Variants in GPR42 observed in about 807,000 individuals in gnomAD.
The protein encoded by GPR42 is G protein-coupled receptor 42, also known as G-protein coupled receptor.
For missense variants in GPR42, 68 were observed against 311.2 expected, an observed-to-expected ratio of 0.22 and a Z score of 5.88; for synonymous variants, 28 against 140.4, an observed-to-expected ratio of 0.20 and a Z score of 5.66.
rs200980961 is a variant in GPR42, at chr19:35,371,380, G to C, written c.21G>C (p.Gln7His). The C allele has an allele frequency of 1.5e-3, 1,173 of 756,886 alleles. 263 individuals carry two copies. The highest frequency in any genetic ancestry group is 2.9e-3 in the Middle Eastern group (9 of 3,142). The allele number at this position is 756,886 out of a possible 1,614,324, so 46.9% of individuals were successfully genotyped here. MDTGPD[Q>H]SYFSGNHWFV... Reference sequence around the variant, plus strand: ...CCACCATGGATACAGGCCCCGACCAGTCCTACTTCTCCGGCAATCACTGGT... The same window carrying C: ...CCACCATGGATACAGGCCCCGACCACTCCTACTTCTCCGGCAATCACTGGT... Residue 7 changes from glutamine (Q) to histidine (H), a missense_variant, in exon 2 of 2, where the codon CAG (glutamine) becomes CAC (histidine). Physicochemically the swap from Gln to His is conservative, Grantham distance 24 (BLOSUM62 0). Transcript: ENST00000454971.
In GPR42 at chr19:35,372,177, C is replaced by G; in HGVS notation, c.818C>G (p.Pro273Arg). 1 of 1,073,990 alleles carries G rather than the reference C, an allele frequency of 9.3e-7. No homozygotes were observed. Among genetic ancestry groups the G allele is most frequent in the African/African-American group, 2.3e-5 (1 of 43,780 alleles). 66.5% of individuals were successfully genotyped at this position (1,073,990 alleles called of 1,614,324 possible). The change falls in exon 2 of 2, where the codon CCC becomes CGC. Residue 273 changes from proline (P) to arginine (R), a missense_variant. Transcript: ENST00000454971. The part of the protein sequence containing the change: ...LLSTLNSCVD[P>R]FVYYFSSSGF... ...AGCACCCTGAACTCCTGTGTCGACC[C>G]CTTTGTCTACTACTTCTCCTCCTCC...
In GPR42 at chr19:35,372,525, C is replaced by A; in HGVS notation, c.*125C>A. ...GCTTGGGGGCAGAGTAGACATCTAGCCTCCCTAAGGGTATGCGCGCTAAAG... is the reference window on the plus strand; with the variant it reads ...GCTTGGGGGCAGAGTAGACATCTAGACTCCCTAAGGGTATGCGCGCTAAAG... On this transcript the variant is annotated 3_prime_UTR_variant, in exon 2 of 2. Coordinates refer to ENST00000454971, the MANE Select transcript of GPR42 (RefSeq NM_001348195.2). 1 of 582,908 alleles carries A rather than the reference C, an allele frequency of 1.7e-6. No individual in the cohort carries two copies. Among genetic ancestry groups the A allele is most frequent in the Non-Finnish European group, 3.1e-6 (1 of 319,070 alleles). The allele number at this position is 582,908 out of a possible 1,614,324, so 36.1% of individuals were successfully genotyped here. A position where few individuals can be genotyped will look rare whatever the true frequency, so the allele number is the denominator to read the frequency against.
In GPR42 at chr19:35,372,579, AT is replaced by A. The variant is rs2067026876; in HGVS notation, c.*180del. On this transcript the variant is annotated 3_prime_UTR_variant, in exon 2 of 2. Coordinates refer to ENST00000454971, the MANE Select transcript of GPR42 (RefSeq NM_001348195.2). The stretch of plus-strand genomic sequence containing the variant: ...AGCTCTCGATCTCACCTCCATCCCC[AT>A]CCACCCACACACTATGGATTGGGCT... The A allele has an allele frequency of 5.1e-6, 2 of 392,974 alleles. No homozygotes were observed. Among genetic ancestry groups the A allele is most frequent in the Non-Finnish European group, 1.0e-5 (2 of 198,918 alleles). 24.3% of individuals were successfully genotyped at this position (392,974 alleles called of 1,614,324 possible). A position where few individuals can be genotyped will look rare whatever the true frequency, so the allele number is the denominator to read the frequency against.
chr19:35,371,104 G>A lies in GPR42; in HGVS notation c.-26G>A, dbSNP rs968269160. On this transcript the variant is annotated 5_prime_UTR_variant, in exon 1 of 2. Transcript: ENST00000454971. ...GGTGCTGTGCGGCAGAGCATTTGGGGTCTCAAAGAAGCAGGTGAGCCTGGG... is the reference window on the plus strand; with the variant it reads ...GGTGCTGTGCGGCAGAGCATTTGGGATCTCAAAGAAGCAGGTGAGCCTGGG... 1 of 887,958 alleles carries A rather than the reference G, an allele frequency of 1.1e-6. No individual in the cohort carries two copies. Among genetic ancestry groups the A allele is most frequent in the Non-Finnish European group, 1.5e-6 (1 of 683,172 alleles). 55.0% of individuals were successfully genotyped at this position (887,958 alleles called of 1,614,324 possible).
chr19:35,372,403 C>T lies in GPR42; in HGVS notation c.*3C>T. 1 of 1,467,088 alleles carries T rather than the reference C, an allele frequency of 6.8e-7. No homozygotes were observed. The highest frequency in any genetic ancestry group is 9.4e-7 in the Non-Finnish European group (1 of 1,067,740). The allele number at this position is 1,467,088 out of a possible 1,614,324, so 90.9% of individuals were successfully genotyped here. A position where few individuals can be genotyped will look rare whatever the true frequency, so the allele number is the denominator to read the frequency against. ...AGGTGGCCTGTGCTGAAAACTAGGT[C>T]CTCCGGGGGAGGAGGGTGTAGCTGG... On this transcript the variant is annotated 3_prime_UTR_variant, in exon 2 of 2. Coordinates refer to ENST00000454971, the MANE Select transcript of GPR42 (RefSeq NM_001348195.2).
Position 35,371,080 on chromosome 19 carries a change from G to T in GPR42, c.-50G>T. On this transcript the variant is annotated 5_prime_UTR_variant, in exon 1 of 2. Coordinates refer to ENST00000454971, the MANE Select transcript of GPR42 (RefSeq NM_001348195.2). ...GCACTAGGTCTGGAGAGACAGCAAG[G>T]TGCTGTGCGGCAGAGCATTTGGGGT... 1.1e-6 allele frequency: 1 copy of T among 940,276 alleles called. No homozygotes were observed. The highest frequency in any genetic ancestry group is 4.5e-5 in the Admixed American group (1 of 22,448). The allele number at this position is 940,276 out of a possible 1,614,324, so 58.2% of individuals were successfully genotyped here.
Position 35,371,422 on chromosome 19 carries a change from C to T in GPR42, c.63C>T (p.Tyr21=). 1.2e-6 allele frequency: 1 copy of T among 845,838 alleles called. No homozygotes were observed. Among genetic ancestry groups the T allele is most frequent in the South Asian group, 1.6e-5 (1 of 61,374 alleles). The allele number at this position is 845,838 out of a possible 1,614,324, so 52.4% of individuals were successfully genotyped here. A position where few individuals can be genotyped will look rare whatever the true frequency, so the allele number is the denominator to read the frequency against. The part of the protein sequence containing the change: ...SGNHWFVFSV[Y]LLTFLVGLPL... Reference sequence around the variant, plus strand: ...ATCACTGGTTCGTCTTCTCGGTGTACCTTCTCACTTTCCTGGTGGGGCTCC... The same window carrying T: ...ATCACTGGTTCGTCTTCTCGGTGTATCTTCTCACTTTCCTGGTGGGGCTCC... The change falls in exon 2 of 2, where the codon TAC becomes TAT. Residue 21 remains tyrosine, a synonymous_variant. Coordinates refer to ENST00000454971, the MANE Select transcript of GPR42 (RefSeq NM_001348195.2).
rs757968581 is a variant in GPR42, at chr19:35,371,909, G to A, written c.550G>A (p.Val184Met). Residue 184 changes from valine to methionine, a missense_variant, in exon 2 of 2, where the codon GTG (valine) becomes ATG (methionine). Transcript: ENST00000454971. ...WKDQLAILLP[V>M]RLEMAVVLFV... ...GGACCAGCTAGCCATCCTCCTGCCC[G>A]TGCGGCTGGAGATGGCTGTGGTCCT... is the stretch of plus-strand genomic sequence containing the variant. 5 of 883,862 alleles carry A rather than the reference G, an allele frequency of 5.7e-6. 1 individual carries two copies. Among genetic ancestry groups the A allele is most frequent in the South Asian group, 1.5e-5 (1 of 65,688 alleles). 54.8% of individuals were successfully genotyped at this position (883,862 alleles called of 1,614,324 possible). A position where few individuals can be genotyped will look rare whatever the true frequency, so the allele number is the denominator to read the frequency against.
Position 35,371,471 on chromosome 19 carries a change from G to T in GPR42, c.112G>T (p.Val38Phe). 2 of 882,414 alleles carry T rather than the reference G, an allele frequency of 2.3e-6. No homozygotes were observed. The highest frequency in any genetic ancestry group is 3.2e-6 in the Non-Finnish European group (2 of 628,064). The allele number at this position is 882,414 out of a possible 1,614,324, so 54.7% of individuals were successfully genotyped here. ...GLPLNLLALV[V>F]FVGKLRCRPV... ...CCCCCTCAACCTGCTGGCCCTGGTG[G>T]TCTTCGTGGGCAAGCTGCGGTGCCG... The change falls in exon 2 of 2, where the codon GTC (valine) becomes TTC (phenylalanine). Residue 38 changes from valine to phenylalanine, a missense_variant. Transcript: ENST00000454971.
chr19:35,372,432 G>T lies in GPR42; in HGVS notation c.*32G>T. 7.0e-7 allele frequency: 1 copy of T among 1,430,960 alleles called. No individual in the cohort carries two copies. 88.6% of individuals were successfully genotyped at this position (1,430,960 alleles called of 1,614,324 possible). A position where few individuals can be genotyped will look rare whatever the true frequency, so the allele number is the denominator to read the frequency against. On this transcript the variant is annotated 3_prime_UTR_variant, in exon 2 of 2. Coordinates refer to ENST00000454971, the MANE Select transcript of GPR42 (RefSeq NM_001348195.2). The stretch of plus-strand genomic sequence containing the variant: ...CGGGGGAGGAGGGTGTAGCTGGCGT[G>T]TCATCCTCAGGGCGCTTCCTCGCTC...
rs2067028363 is a variant in GPR42 at position 35,372,950 on chromosome 19, A to G, written c.*550A>G. On this transcript the variant is annotated 3_prime_UTR_variant, in exon 2 of 2. Coordinates refer to ENST00000454971, the MANE Select transcript of GPR42 (RefSeq NM_001348195.2). ...AAATTACCCAAATAAATGTGGAAGC[A>G]AGCAAAAGAGAACAGTGTTTCCTTC... 1 of 170,258 alleles carries G rather than the reference A, an allele frequency of 5.9e-6. No individual in the cohort carries two copies. Among genetic ancestry groups the G allele is most frequent in the African/African-American group, 2.4e-5 (1 of 41,352 alleles). The allele number at this position is 170,258 out of a possible 1,614,324, so 10.5% of individuals were successfully genotyped here. A position where few individuals can be genotyped will look rare whatever the true frequency, so the allele number is the denominator to read the frequency against.
chr19:35,372,430 G>A lies in GPR42; in HGVS notation c.*30G>A, dbSNP rs140991309. ...TCCGGGGGAGGAGGGTGTAGCTGGCGTGTCATCCTCAGGGCGCTTCCTCGC... is the reference window on the plus strand; with the variant it reads ...TCCGGGGGAGGAGGGTGTAGCTGGCATGTCATCCTCAGGGCGCTTCCTCGC... On this transcript the variant is annotated 3_prime_UTR_variant, in exon 2 of 2. Transcript: ENST00000454971. 7 of 1,438,330 alleles carry A rather than the reference G, an allele frequency of 4.9e-6. No homozygotes were observed. The highest frequency in any genetic ancestry group is 2.8e-5 in the African/African-American group (2 of 72,628). 89.1% of individuals were successfully genotyped at this position (1,438,330 alleles called of 1,614,324 possible).
rs2067026322 is a variant in GPR42, at chr19:35,372,473, T to C, written c.*73T>C. 30 of 1,159,704 alleles carry C rather than the reference T, an allele frequency of 2.6e-5. 1 individual carries two copies. Among genetic ancestry groups the C allele is most frequent in the Non-Finnish European group, 3.5e-5 (28 of 797,492 alleles). The allele number at this position is 1,159,704 out of a possible 1,614,324, so 71.8% of individuals were successfully genotyped here. On this transcript the variant is annotated 3_prime_UTR_variant, in exon 2 of 2. Coordinates refer to ENST00000454971, the MANE Select transcript of GPR42 (RefSeq NM_001348195.2). ...TTCCTCGCTCACGCCAGGAGGGACT[T>C]GGAGTGGCGAGCTGGGGCCCGATGG...
chr19:35,372,112 C>T lies in GPR42; in HGVS notation c.753C>T (p.Cys251=), dbSNP rs145254622. The T allele has an allele frequency of 0.043, 35,921 of 831,004 alleles. 14,568 individuals carry two copies. The highest frequency in any genetic ancestry group is 0.052 in the Non-Finnish European group (30,824 of 589,486). 51.5% of individuals were successfully genotyped at this position (831,004 alleles called of 1,614,324 possible). A position where few individuals can be genotyped will look rare whatever the true frequency, so the allele number is the denominator to read the frequency against. The change falls in exon 2 of 2, where the codon TGC becomes TGT. Residue 251 remains cysteine, a synonymous_variant. Transcript: ENST00000454971. The part of the protein sequence containing the change: ...YNVSHVVGYI[C]GESPVWRIYV... ...TGTCCCATGTCGTGGGCTATATCTG[C>T]GGTGAAAGCCCGGTGTGGAGGATCT...
Position 35,372,427 on chromosome 19 carries a change from G to A in GPR42, c.*27G>A, listed in dbSNP as rs1245834069. 4.2e-6 allele frequency: 6 copies of A among 1,443,442 alleles called. No individual in the cohort carries two copies. In the East Asian group the frequency reaches 1.5e-4, roughly 37 times the overall value. The allele number at this position is 1,443,442 out of a possible 1,614,324, so 89.4% of individuals were successfully genotyped here. A position where few individuals can be genotyped will look rare whatever the true frequency, so the allele number is the denominator to read the frequency against. The stretch of plus-strand genomic sequence containing the variant: ...TCCTCCGGGGGAGGAGGGTGTAGCT[G>A]GCGTGTCATCCTCAGGGCGCTTCCT... On this transcript the variant is annotated 3_prime_UTR_variant, in exon 2 of 2. Transcript: ENST00000454971.
rs375116401 is a variant in GPR42, at chr19:35,371,392, C to T, written c.33C>T (p.Ser11=). 42 of 776,234 alleles carry T rather than the reference C, an allele frequency of 5.4e-5. 9 individuals are homozygous for T. The highest frequency in any genetic ancestry group is 7.3e-5 in the Non-Finnish European group (40 of 545,274). The allele number at this position is 776,234 out of a possible 1,614,324, so 48.1% of individuals were successfully genotyped here. The change falls in exon 2 of 2, where the codon TCC becomes TCT. Residue 11 remains serine (S), a synonymous_variant. Coordinates refer to ENST00000454971, the MANE Select transcript of GPR42 (RefSeq NM_001348195.2). ...CAGGCCCCGACCAGTCCTACTTCTCCGGCAATCACTGGTTCGTCTTCTCGG... is the reference window on the plus strand; with the variant it reads ...CAGGCCCCGACCAGTCCTACTTCTCTGGCAATCACTGGTTCGTCTTCTCGG... MDTGPDQSYF[S]GNHWFVFSVY...
chr19:35,371,170 C>T (rs2067020998), intron 1 of GPR42, 52 bp downstream of exon 1: 1 of 503,438 alleles, frequency 2.0e-6, no homozygotes, highest in Non-Finnish European at 2.9e-6. Flanking sequence ...TGCTTCTCTG[C>T]TGGGGAAGGG....
rs756123584 is a variant in GPR42 at position 35,372,401 on chromosome 19, G to A, written c.*1G>A. 3.4e-5 allele frequency: 50 copies of A among 1,466,572 alleles called. 6 individuals are homozygous for A. The highest frequency in any genetic ancestry group is 1.7e-4 in the Middle Eastern group (1 of 5,982). The allele number at this position is 1,466,572 out of a possible 1,614,324, so 90.8% of individuals were successfully genotyped here. On this transcript the variant is annotated 3_prime_UTR_variant, in exon 2 of 2. Transcript: ENST00000454971. ...CCAGGTGGCCTGTGCTGAAAACTAG[G>A]TCCTCCGGGGGAGGAGGGTGTAGCT...
At chr19:35,371,159 G>T in intron 1 of GPR42, 41 bp downstream of exon 1, 2 of 547,790 alleles carry the variant, frequency 3.7e-6, no homozygotes, top group Middle Eastern at 5.2e-4. Context: ...GAGCACCTTG[G>T]TGCTTCTCTG....
Sources: allele counts gnomAD v4.1 joint callset, GRCh38; gene constraint gnomAD v4.1.1; transcripts MANE v1.5; gene names NCBI Gene and HGNC (gene_info 2026-07-23, HGNC 2026-07-21).